Variants in BBS9 observed in about 807,000 individuals in gnomAD.
The protein encoded by BBS9 is protein PTHB1.
In BBS9, 89 loss-of-function variants were observed where a neutral mutation model predicts 117.7. That is an observed-to-expected ratio of 0.76 (90% CI 0.64 to 0.90). The LOEUF is 0.90. BBS9 is among the 40% of genes least tolerant of loss of function. The pLI, the probability that BBS9 is intolerant of heterozygous loss-of-function variation, is 0.00. For missense variants in BBS9, 982 were observed against 1,042.2 expected (o/e 0.94, Z 0.80); for synonymous variants, 379 against 370.9 (o/e 1.02, Z -0.25).
intron 21 of BBS9, among the ~76,000 whole-genome samples, chr7:33,600,789 T>C (rs768607637): frequency 1.4e-4 from 21 of 152,120 alleles, no homozygotes; most frequent in Non-Finnish European, 2.9e-4. Context: ...AGTCCTTCTG[T>C]GTCCCATGCC....
chr7:33,407,827 G>A (rs1247272388), intron 19 of BBS9, among the ~76,000 whole-genome samples: 1 of 152,206 alleles, frequency 6.6e-6, no homozygotes, highest in South Asian at 2.1e-4. Flanking sequence ...GGCCATGTGA[G>A]GTGTCAGTCT....
chr7:33,561,231 T>C (rs1396059087), intron 21 of BBS9, among the ~76,000 whole-genome samples: 2 of 152,222 alleles, frequency 1.3e-5, no homozygotes, highest in Non-Finnish European at 2.9e-5. Flanking sequence ...AGTTCTTTTC[T>C]AAGTGAACTG....
intron 19 of BBS9, among the ~76,000 whole-genome samples, chr7:33,445,823 C>T (rs1286511920): frequency 6.6e-6 from 1 of 152,046 alleles, no homozygotes; most frequent in East Asian, 1.9e-4. Context: ...TGGCATTTCT[C>T]CTACTTGCAC....
chr7:33,534,224 A>G, intron 21 of BBS9, 48 bp downstream of exon 21: 1 of 1,558,148 alleles, frequency 6.4e-7, no homozygotes, highest in South Asian at 1.1e-5. Flanking sequence ...CTTCTCCTAA[A>G]TTAGAGGAAT....
At chr7:33,313,036 GGTGT>G (rs5883397) in intron 9 of BBS9, among the ~76,000 whole-genome samples, 2,049 of 147,900 alleles carry the variant, frequency 0.014, 42 homozygotes, top group African/African-American at 0.044. Context: ...TGTACTCTGT[GGTGT>G]GTGTGTGTGT....
chr7:33,478,113 T>C (rs1042696898), intron 19 of BBS9, among the ~76,000 whole-genome samples: 8 of 152,130 alleles, frequency 5.3e-5, no homozygotes, highest in Non-Finnish European at 2.9e-5. Flanking sequence ...GAAATAATAA[T>C]GGTTGTGGGC....
chr7:33,264,162 G>A (rs951246099), intron 6 of BBS9, 128 bp from the exon 7 acceptor site: 15 of 408,700 alleles, frequency 3.7e-5, no homozygotes, highest in Admixed American at 8.4e-5. Context: ...TTAAATTTTA[G>A]AGTTTTTAAA....
chr7:33,393,221 C>T (rs1474482641), intron 19 of BBS9, among the ~76,000 whole-genome samples: 1 of 152,100 alleles, frequency 6.6e-6, no homozygotes, highest in Non-Finnish European at 1.5e-5. Flanking sequence ...ATAATGCAAA[C>T]AGAGCATCAG....
At chr7:33,315,585 G>T (rs1393265527) in intron 9 of BBS9, among the ~76,000 whole-genome samples, 2 of 152,112 alleles carry the variant, frequency 1.3e-5, no homozygotes, top group South Asian at 4.2e-4. Context: ...GGTCATATTT[G>T]CAGTCTACCA....
chr7:33,198,708 G>A (rs1785332035), intron 5 of BBS9, among the ~76,000 whole-genome samples: 1 of 151,976 alleles, frequency 6.6e-6, no homozygotes, highest in Non-Finnish European at 1.5e-5. Context: ...TATAACATAT[G>A]TGTAAACCAT....
chr7:33,160,641 T>TC (rs544056330), intron 4 of BBS9, among the ~76,000 whole-genome samples: 21 of 152,174 alleles, frequency 1.4e-4, no homozygotes, highest in Non-Finnish European at 2.9e-4. Flanking sequence ...ACTTTCCTGT[T>TC]TAGCTTTACT....
intron 9 of BBS9, among the ~76,000 whole-genome samples, chr7:33,333,518 A>AT (rs1292820080): frequency 5.3e-5 from 8 of 151,676 alleles, no homozygotes; most frequent in Middle Eastern, 3.4e-3. Context: ...TCAAAAGAAG[A>AT]TTTTTTTTTC....
intron 20 of BBS9, among the ~76,000 whole-genome samples, chr7:33,523,277 C>A (rs1429467946): frequency 6.9e-6 from 1 of 145,386 alleles, no homozygotes; most frequent in Non-Finnish European, 1.5e-5. Context: ...TTTTCCAATT[C>A]TGTGAAGAAA....
At chr7:33,481,549 A>C (rs1006925071) in intron 19 of BBS9, among the ~76,000 whole-genome samples, 4 of 152,214 alleles carry the variant, frequency 2.6e-5, no homozygotes, top group Admixed American at 6.5e-5. Context: ...TGCTTATGTG[A>C]TACAATGTGA....
At chr7:33,331,518 A>C (rs1814036401) in intron 9 of BBS9, among the ~76,000 whole-genome samples, 1 of 152,150 alleles carries the variant, frequency 6.6e-6, no homozygotes, top group African/African-American at 2.4e-5. Flanking sequence ...GAAAACCCTA[A>C]AGACTCATCC....
At chr7:33,622,227 TAAATA>T (rs1327985784) in intron 21 of BBS9, among the ~76,000 whole-genome samples, 2 of 151,412 alleles carry the variant, frequency 1.3e-5, no homozygotes, top group Admixed American at 6.6e-5. Context: ...ACAAAAAAAA[TAAATA>T]AAAAAGAAAA....
At chr7:33,590,459 G>GTTTTTTTGTTTTTGTTTTTTTTT (rs1554551689) in intron 21 of BBS9, among the ~76,000 whole-genome samples, 4 of 101,502 alleles carry the variant, frequency 3.9e-5, no homozygotes, top group African/African-American at 4.0e-5. Flanking sequence ...TTGTTTTTTT[G>GTTTTTTTGTTTTTGTTTTTTTTT]TTTTTTTTTT....
chr7:33,280,822 T>C (rs1240715345), intron 9 of BBS9, among the ~76,000 whole-genome samples: 1 of 151,926 alleles, frequency 6.6e-6, no homozygotes, highest in African/African-American at 2.4e-5. Flanking sequence ...GGATTTTTTC[T>C]TGAAACCGAA....
intron 6 of BBS9, among the ~76,000 whole-genome samples, chr7:33,259,572 A>G (rs1251261502): frequency 6.6e-6 from 1 of 151,528 alleles, no homozygotes; most frequent in Non-Finnish European, 1.5e-5. Context: ...ACGGGGTCTC[A>G]CTATGTTGCC....
Sources: gnomAD v4.1 joint callset for allele counts (sites outside exome capture counted in the v4.1 genomes callset) on GRCh38, gnomAD v4.1.1 for gene constraint, MANE v1.5 for transcripts, NCBI Gene and HGNC (gene_info 2026-07-23, HGNC 2026-07-21) for gene names.